NEBL: variants seen among roughly 807,000 people sequenced by gnomAD.
The protein encoded by NEBL is LIM and SH3 protein 2.
In NEBL, 122 loss-of-function variants were observed where a neutral mutation model predicts 140.2. That is an observed-to-expected ratio of 0.87 (90% confidence interval 0.75 to 1.01). The LOEUF (loss-of-function observed/expected upper bound fraction) is 1.01. Ranked by LOEUF, NEBL falls within the 50% of genes least tolerant of loss-of-function variation. The probability of loss-of-function intolerance (pLI) is 0.00; values close to 1 mark genes in which losing one functional copy is unlikely to be tolerated. For missense variants in NEBL, 1,365 were observed against 1,231.3 expected (o/e 1.11, Z -1.62); for synonymous variants, 436 against 398.9 (o/e 1.09, Z -1.11).
chr10:21,045,744 C>A (rs368142915), intron 2 of NEBL, among the ~76,000 whole-genome samples: 20 of 152,212 alleles, frequency 1.3e-4, no homozygotes, highest in African/African-American at 4.3e-4. Flanking sequence ...GAAAAGGAAA[C>A]CCTTGTACAT....
chr10:21,057,962 C>T (rs1185577849), intron 2 of NEBL, among the ~76,000 whole-genome samples: 1 of 152,176 alleles, frequency 6.6e-6, no homozygotes, highest in East Asian at 1.9e-4. Flanking sequence ...CCAGCTTACT[C>T]CACCATCAAA....
At chr10:21,200,676 T>G (rs1444473096) in intron 3 of NEBL, among the ~76,000 whole-genome samples, 1 of 152,176 alleles carries the variant, frequency 6.6e-6, no homozygotes, top group African/African-American at 2.4e-5. Context: ...TCAAAATACT[T>G]AACACCTGTT....
chr10:21,012,433 C>G (rs1838377241), intron 3 of NEBL, among the ~76,000 whole-genome samples: 1 of 152,164 alleles, frequency 6.6e-6, no homozygotes, highest in African/African-American at 2.4e-5. Flanking sequence ...GATCACAGCT[C>G]ACTGCATCCT....
intron 2 of NEBL, among the ~76,000 whole-genome samples, chr10:21,025,355 C>T (rs1446331301): frequency 2.0e-5 from 3 of 152,140 alleles, no homozygotes; most frequent in Non-Finnish European, 4.4e-5. Context: ...CAAGACTGAG[C>T]TGACAGTTGC....
At chr10:21,147,268 C>T (rs546938992) in intron 2 of NEBL, among the ~76,000 whole-genome samples, 1 of 152,228 alleles carries the variant, frequency 6.6e-6, no homozygotes, top group Non-Finnish European at 1.5e-5. Flanking sequence ...TGCACGTTAG[C>T]CATTTTCACC....
At chr10:20,788,560 G>A (rs1370912645) in intron 26 of NEBL, among the ~76,000 whole-genome samples, 1 of 151,790 alleles carries the variant, frequency 6.6e-6, no homozygotes, top group Admixed American at 6.6e-5. Context: ...GATTGAAAGG[G>A]GATTTTTTAA....
intron 26 of NEBL, among the ~76,000 whole-genome samples, chr10:20,805,934 A>C (rs1041622486): frequency 6.6e-6 from 1 of 152,084 alleles, no homozygotes; most frequent in African/African-American, 2.4e-5. Context: ...ATCTCCCTCC[A>C]TCTTTGAAGA....
chr10:20,965,755 G>A (rs571278691), intron 3 of NEBL, among the ~76,000 whole-genome samples: 1 of 152,288 alleles, frequency 6.6e-6, no homozygotes, highest in East Asian at 1.9e-4. Context: ...CCCAGGTAGA[G>A]TCAGGCAATA....
chr10:21,197,288 C>G (rs1841667885), intron 3 of NEBL, among the ~76,000 whole-genome samples: 3 of 152,200 alleles, frequency 2.0e-5, no homozygotes, highest in African/African-American at 7.2e-5. Flanking sequence ...TATTTAAAAG[C>G]TCCACAGGTA....
intron 3 of NEBL, among the ~76,000 whole-genome samples, chr10:21,182,457 C>T (rs950100552): frequency 1.3e-5 from 2 of 152,132 alleles, no homozygotes; most frequent in African/African-American, 4.8e-5. Context: ...GCCTGGACAA[C>T]AGAAACAGAC....
At chr10:20,883,450 C>T (rs992588193) in intron 4 of NEBL, among the ~76,000 whole-genome samples, 1 of 152,152 alleles carries the variant, frequency 6.6e-6, no homozygotes, top group Non-Finnish European at 1.5e-5. Flanking sequence ...TTATGTTAAG[C>T]AGGAAACCCT....
chr10:20,813,161 A>G (rs1838345649), intron 23 of NEBL, among the ~76,000 whole-genome samples: 1 of 151,120 alleles, frequency 6.6e-6, no homozygotes, highest in Non-Finnish European at 1.5e-5. Flanking sequence ...TATAGCTCAT[A>G]TCTATTTTAA....
intron 2 of NEBL, among the ~76,000 whole-genome samples, chr10:21,024,948 T>C (rs935871418): frequency 2.6e-5 from 4 of 152,252 alleles, no homozygotes; most frequent in Admixed American, 2.6e-4. Flanking sequence ...CAATTAATTC[T>C]AAAGCCCTTT....
At chr10:20,796,367 G>GAAAAAAAA (rs57844177) in intron 26 of NEBL, among the ~76,000 whole-genome samples, 14 of 51,520 alleles carry the variant, frequency 2.7e-4, no homozygotes, top group Middle Eastern at 0.022. Flanking sequence ...TCTAAAACAA[G>GAAAAAAAA]AAAAAAAAAA....
chr10:20,953,449 C>T lies in NEBL; in HGVS notation c.357+8223G>A, dbSNP rs557265813. ...TGTGAGAAAAATTTCTGTCGCTTTA[C>T]GCTGCCCAACCTGCAATATCTTGTT... On this transcript the variant is annotated intron_variant, in intron 4 of 6. Transcript: ENST00000417816. 7.9e-5 allele frequency among the ~76,000 whole-genome samples: 12 copies of T among 151,888 alleles called. No individual in the cohort carries two copies. In the East Asian group the frequency reaches 2.1e-3, roughly 27 times the overall value.
At chr10:20,954,714 A>C (rs1161971244) in intron 4 of NEBL, among the ~76,000 whole-genome samples, 3 of 152,114 alleles carry the variant, frequency 2.0e-5, no homozygotes, top group Non-Finnish European at 4.4e-5. Context: ...TGGCTCCCCC[A>C]CCACCACCCC....
chr10:21,185,585 A>G (rs941367744), intron 3 of NEBL, among the ~76,000 whole-genome samples: 6 of 132,274 alleles, frequency 4.5e-5, no homozygotes, highest in African/African-American at 1.8e-4. Context: ...ACAACCCTCC[A>G]TCTCCCAGGT....
chr10:20,883,039 A>T (rs1015203391), intron 4 of NEBL, among the ~76,000 whole-genome samples: 1 of 152,086 alleles, frequency 6.6e-6, no homozygotes, highest in Non-Finnish European at 1.5e-5. Context: ...AAAGTGCTGC[A>T]CTCCTGAACA....
chr10:21,277,579 T>C (rs113942379), intron 1 of NEBL, among the ~76,000 whole-genome samples: 11 of 152,192 alleles, frequency 7.2e-5, no homozygotes, highest in African/African-American at 2.4e-4. Flanking sequence ...ATCAATAACA[T>C]GTATTGCTGT....
Sources: allele counts gnomAD v4.1 joint callset (sites outside exome capture counted in the v4.1 genomes callset), GRCh38; gene constraint gnomAD v4.1.1; transcripts MANE v1.5; gene names NCBI Gene and HGNC (gene_info 2026-07-23, HGNC 2026-07-21).